WNK1: variants seen among roughly 807,000 people sequenced by gnomAD.
The protein encoded by WNK1 is serine/threonine-protein kinase WNK1.
A neutral mutation model predicts 222.8 loss-of-function variants in WNK1; 38 were observed. The ratio of observed to expected loss-of-function variants is 0.17; its 90% CI spans 0.13 to 0.22. The LOEUF (loss-of-function observed/expected upper bound fraction) is 0.22. Ranked by LOEUF, WNK1 falls within the 10% of genes least tolerant of loss-of-function variation. The pLI, the probability that WNK1 is intolerant of heterozygous loss-of-function variation, is 1.00. For synonymous variants in WNK1, 1,090 were observed against 1,092.9 expected (o/e 1.00, Z 0.05); for missense variants, 2,348 against 2,918.4 (o/e 0.80, Z 4.50).
intron 8 of WNK1, among the ~76,000 whole-genome samples, chr12:870,771 G>T (rs936816686): frequency 6.6e-6 from 1 of 152,178 alleles, no homozygotes; most frequent in African/African-American, 2.4e-5. Flanking sequence ...CTCCTGGATA[G>T]CAATGATCGC....
In WNK1 at chr12:763,962, T is replaced by C. The variant is rs533728160; in HGVS notation, c.759+9638T>C. Among the ~76,000 whole-genome samples, 13 of 147,572 alleles carry C rather than the reference T, an allele frequency of 8.8e-5. 1 individual carries two copies. Among genetic ancestry groups the C allele is most frequent in the African/African-American group, 1.2e-4 (5 of 41,204 alleles). On this transcript the variant is annotated intron_variant, in intron 1 of 27. Transcript: ENST00000315939. ...ATGGAGATGTATTCAATTGGACATG[T>C]TGAGTTTGAGATTCTTATGTAATCT... is the stretch of plus-strand genomic sequence containing the variant.
intron 1 of WNK1, among the ~76,000 whole-genome samples, chr12:787,612 C>T (rs936723902): frequency 3.3e-5 from 5 of 152,044 alleles, no homozygotes; most frequent in African/African-American, 1.2e-4. Flanking sequence ...CCTATATTAG[C>T]TTTCTGTGTG....
At chr12:886,428 A>G (rs981894872) in intron 19 of WNK1, among the ~76,000 whole-genome samples, 7 of 152,230 alleles carry the variant, frequency 4.6e-5, no homozygotes, top group African/African-American at 1.7e-4. Flanking sequence ...TACGTAAATA[A>G]TAGCAGTTCA....
chr12:884,843 C>A lies in WNK1; in HGVS notation c.4039C>A (p.Pro1347Thr). 1 of 1,614,116 alleles carries A rather than the reference C, an allele frequency of 6.2e-7. No individual in the cohort carries two copies. Among genetic ancestry groups the A allele is most frequent in the Non-Finnish European group, 8.5e-7 (1 of 1,180,016 alleles). The change falls in exon 19 of 28, where the codon CCA (proline) becomes ACA (threonine). Residue 1347 changes from proline to threonine, a missense_variant. This residue lies in a region of WNK1 where 1,144 missense variants were observed against 1,273.6 expected (regional missense o/e 0.90). Transcript: ENST00000315939. The surrounding 1 kb of genome is among the most constrained non-coding windows in gnomAD (Gnocchi z 5.6). The part of the protein sequence containing the change: ...PPFLSSIAGV[P>T]TTAAATAPVP... ...TTTCTTAAGTAGCATTGCTGGAGTC[C>A]CAACCACAGCAGCAGCCACAGCACC...
chr12:852,537 G>C (rs80235381), intron 4 of WNK1, among the ~76,000 whole-genome samples: 2,306 of 152,302 alleles, frequency 0.015, 58 homozygotes, highest in African/African-American at 0.052. Context: ...GGCTCTGGAG[G>C]AGTGGAATGA....
intron 1 of WNK1, among the ~76,000 whole-genome samples, chr12:786,844 C>G (rs1944357774): frequency 6.6e-6 from 1 of 151,852 alleles, no homozygotes; most frequent in Admixed American, 6.6e-5. Flanking sequence ...TTTTTTAAAG[C>G]CTGTTCCACA....
At chr12:754,460 G>C in intron 1 of WNK1, 136 bp downstream of exon 1, 1 of 1,068,494 alleles carries the variant, frequency 9.4e-7, no homozygotes, top group South Asian at 1.3e-5. Flanking sequence ...ACTTTTGAAA[G>C]GGGCTGAAAT....
chr12:805,536 A>AT (rs1170528760), intron 1 of WNK1, among the ~76,000 whole-genome samples: 1 of 152,230 alleles, frequency 6.6e-6, no homozygotes, highest in Non-Finnish European at 1.5e-5. Flanking sequence ...ACCTACTAAA[A>AT]TTAATGTTTT....
intron 2 of WNK1, among the ~76,000 whole-genome samples, chr12:824,088 G>A (rs1021337063): frequency 1.3e-5 from 2 of 151,722 alleles, no homozygotes; most frequent in African/African-American, 4.8e-5. Flanking sequence ...TATGTTTTTA[G>A]TAGACACCAT....
chr12:791,225 CCA>C (rs141810227), intron 1 of WNK1, among the ~76,000 whole-genome samples: 9,508 of 144,744 alleles, frequency 0.066, 517 homozygotes, highest in African/African-American at 0.14. Context: ...ATTTCTCTCA[CCA>C]CACACACACA....
chr12:860,773 C>T (rs964492850), intron 6 of WNK1, among the ~76,000 whole-genome samples: 8 of 152,116 alleles, frequency 5.3e-5, no homozygotes, highest in African/African-American at 1.9e-4. Context: ...TGAAGGTATA[C>T]CTACCCTTCG....
At position 753,951 on chromosome 12, in the gene WNK1, C is replaced by G. The variant is rs760275979; in HGVS notation, c.386C>G (p.Ala129Gly). 6.2e-7 allele frequency: 1 copy of G among 1,604,116 alleles called. No homozygotes were observed. The highest frequency in any genetic ancestry group is 8.5e-7 in the Non-Finnish European group (1 of 1,176,208). The part of the protein sequence containing the change: ...PHREETVTAT[A>G]TSQVAQQPPA... ...CGGGAAGAGACCGTGACCGCCACCG[C>G]CACTTCCCAGGTAGCCCAGCAGCCT... The change falls in exon 1 of 28, where the codon GCC (alanine) becomes GGC (glycine). Residue 129 changes from alanine (A) to glycine (G), a missense_variant. Around this residue, in one of 13 missense-constraint regions of WNK1, gnomAD observed 185 missense variants for 159.2 expected, o/e 1.16. Coordinates refer to ENST00000315939, the MANE Select transcript of WNK1 (RefSeq NM_018979.4). The surrounding 1 kb of genome is among the most constrained non-coding windows in gnomAD (Gnocchi z 5.2).
chr12:876,630 G>C (rs1461333100), intron 9 of WNK1, among the ~76,000 whole-genome samples: 1 of 152,146 alleles, frequency 6.6e-6, no homozygotes, highest in East Asian at 1.9e-4. Context: ...CTTTATACCA[G>C]CAGTAACCAA....
chr12:906,104 C>T (rs1166977278), intron 26 of WNK1, among the ~76,000 whole-genome samples: 1 of 152,158 alleles, frequency 6.6e-6, no homozygotes, highest in East Asian at 1.9e-4. Flanking sequence ...TCTGGTGCTG[C>T]TTTGACCTTG....
rs1458756092 is a variant in WNK1, at chr12:754,287, C to G, written c.722C>G (p.Thr241Ser). Reference protein sequence around the residue: ...SFKTVYKGLDTETTVEVAWCE... With the variant: ...SFKTVYKGLDSETTVEVAWCE... Reference sequence around the variant, plus strand: ...AAGACGGTCTACAAAGGTCTGGACACTGAAACCACCGTGGAAGTCGCCTGG... The same window carrying G: ...AAGACGGTCTACAAAGGTCTGGACAGTGAAACCACCGTGGAAGTCGCCTGG... The change falls in exon 1 of 28, where the codon ACT becomes AGT. Residue 241 changes from threonine to serine, a missense_variant. Coordinates refer to ENST00000315939, the MANE Select transcript of WNK1 (RefSeq NM_018979.4). 1 of 1,613,608 alleles carries G rather than the reference C, an allele frequency of 6.2e-7. No homozygotes were observed. The highest frequency in any genetic ancestry group is 1.1e-5 in the South Asian group (1 of 91,090).
chr12:838,344 C>T (rs1269844246), intron 4 of WNK1, among the ~76,000 whole-genome samples: 1 of 152,000 alleles, frequency 6.6e-6, no homozygotes, highest in Non-Finnish European at 1.5e-5. Context: ...ATAGCTGTAC[C>T]ATATTACATT....
At chr12:755,929 C>T (rs940347137) in intron 1 of WNK1, among the ~76,000 whole-genome samples, 3 of 152,196 alleles carry the variant, frequency 2.0e-5, no homozygotes, top group African/African-American at 7.2e-5. Flanking sequence ...GAGCGGAGAT[C>T]GCACCATCGC....
At chr12:833,007 A>G (rs1000091495) in intron 4 of WNK1, among the ~76,000 whole-genome samples, 4 of 146,192 alleles carry the variant, frequency 2.7e-5, no homozygotes, top group Non-Finnish European at 4.5e-5. Context: ...TGTAATTTAC[A>G]TTCTCTCTTT....
At chr12:822,807 A>G (rs1430925761) in intron 2 of WNK1, among the ~76,000 whole-genome samples, 1 of 152,226 alleles carries the variant, frequency 6.6e-6, no homozygotes, top group Non-Finnish European at 1.5e-5. Flanking sequence ...CCAAAAATAC[A>G]TTAATACTGG....
Sources: allele counts gnomAD v4.1 joint callset (sites outside exome capture counted in the v4.1 genomes callset), GRCh38; gene constraint gnomAD v4.1.1; regional missense constraint gnomAD v4.1.1; non-coding constraint Gnocchi (gnomAD v3.1); transcripts MANE v1.5; gene names NCBI Gene and HGNC (gene_info 2026-07-23, HGNC 2026-07-21).